The following NEBL variants were observed in gnomAD, a reference collection of about 807,000 sequenced individuals.
The protein encoded by NEBL is nebulette, also known as LIM and SH3 protein 2.
In NEBL, 122 loss-of-function variants were observed where a neutral mutation model predicts 140.2. The ratio of observed to expected loss-of-function variants is 0.87; its 90% CI spans 0.75 to 1.01. The LOEUF is 1.01. NEBL is among the 50% of genes least tolerant of loss of function. The probability of loss-of-function intolerance (pLI) is 0.00; values close to 1 mark genes in which losing one functional copy is unlikely to be tolerated. For synonymous variants in NEBL, 436 were observed against 398.9 expected, an observed-to-expected ratio of 1.09 and a Z score of -1.11; for missense variants, 1,365 against 1,231.3, an observed-to-expected ratio of 1.11 and a Z score of -1.62.
chr10:21,154,659 C>A (rs1840270478), intron 2 of NEBL, among the ~76,000 whole-genome samples: 1 of 152,284 alleles, frequency 6.6e-6, no homozygotes, highest in Admixed American at 6.5e-5. Flanking sequence ...GCTGGATGTG[C>A]ACTTTCCTCA....
intron 3 of NEBL, among the ~76,000 whole-genome samples, chr10:20,970,391 C>A (rs2131636332): frequency 6.6e-6 from 1 of 152,178 alleles, no homozygotes; most frequent in South Asian, 2.1e-4. Context: ...GTAATCCCAG[C>A]ACTTTGGGAG....
At chr10:21,263,468 G>C (rs61851514) in intron 1 of NEBL, among the ~76,000 whole-genome samples, 1 of 152,204 alleles carries the variant, frequency 6.6e-6, no homozygotes, top group South Asian at 2.1e-4. Context: ...GAGTCCAAGC[G>C]GGGGAGGTTG....
chr10:21,032,824 A>G (rs752477170), intron 2 of NEBL, among the ~76,000 whole-genome samples: 6 of 152,202 alleles, frequency 3.9e-5, no homozygotes, highest in Admixed American at 1.3e-4. Context: ...AGGGTCAAAC[A>G]GCTTGCCACC....
chr10:21,071,097 A>C (rs1835798764), intron 2 of NEBL, among the ~76,000 whole-genome samples: 1 of 151,862 alleles, frequency 6.6e-6, no homozygotes, highest in African/African-American at 2.4e-5. Flanking sequence ...ACTTGAGCCC[A>C]GGAGCTTGAG....
At chr10:20,976,764 T>G (rs79395726) in intron 3 of NEBL, among the ~76,000 whole-genome samples, 1 of 151,928 alleles carries the variant, frequency 6.6e-6, no homozygotes, top group Non-Finnish European at 1.5e-5. Context: ...CACTGGGGAC[T>G]TCAAAAGGGA....
intron 4 of NEBL, among the ~76,000 whole-genome samples, chr10:20,946,190 G>A (rs1835150250): frequency 6.6e-6 from 1 of 152,208 alleles, no homozygotes; most frequent in South Asian, 2.1e-4. Flanking sequence ...AGCCCTCATA[G>A]GCTGTATGAG....
At chr10:20,952,387 A>G (rs12359024) in intron 4 of NEBL, among the ~76,000 whole-genome samples, 61,618 of 149,982 alleles carry the variant, frequency 0.41, 14,379 homozygotes, top group Non-Finnish European at 0.52. Context: ...CCATGAGCCG[A>G]AATTGTACCA....
chr10:20,978,125 A>T (rs549052699), intron 3 of NEBL, among the ~76,000 whole-genome samples: 24 of 152,274 alleles, frequency 1.6e-4, no homozygotes, highest in Non-Finnish European at 2.9e-4. Flanking sequence ...TGAAAAATAG[A>T]TGTAGTCAGC....
At chr10:20,792,123 G>GAAAAAAAAAAAA (rs11286684) in intron 26 of NEBL, among the ~76,000 whole-genome samples, 1 of 106,762 alleles carries the variant, frequency 9.4e-6, no homozygotes. Context: ...ATTCCAAATA[G>GAAAAAAAAAAAA]AAAAAAAAAA....
chr10:20,785,696 G>C lies in NEBL; in HGVS notation c.*51C>G. On this transcript the variant is annotated 3_prime_UTR_variant, in exon 28 of 28. Transcript: ENST00000377122. The stretch of plus-strand genomic sequence containing the variant: ...AAAAGTATCTTCTATCTTTTAAAAA[G>C]ATTAGGTTTGGGATACATTAGAATA... The C allele has an allele frequency of 6.3e-7, 1 of 1,576,420 alleles. No individual in the cohort carries two copies. Among genetic ancestry groups the C allele is most frequent in the Non-Finnish European group, 8.7e-7 (1 of 1,154,028 alleles).
chr10:21,025,716 A>G (rs1295581117), intron 2 of NEBL, among the ~76,000 whole-genome samples: 1 of 152,140 alleles, frequency 6.6e-6, no homozygotes, highest in Non-Finnish European at 1.5e-5. Flanking sequence ...CTGGGTTTGT[A>G]CTTGGCTTGT....
At chr10:21,172,388 A>G (rs1225171138) in exon 2 of NEBL, 54 of 1,612,376 alleles carry the variant, frequency 3.3e-5, no homozygotes, top group Admixed American at 8.3e-5. Context: ...CTTACGCATT[A>G]CAATAGGGCT....
intron 2 of NEBL, among the ~76,000 whole-genome samples, chr10:21,032,964 C>T (rs376069735): frequency 2.0e-4 from 31 of 152,264 alleles, no homozygotes; most frequent in African/African-American, 6.3e-4. Flanking sequence ...GCTATTGAAA[C>T]ATGTCACCTA....
intron 3 of NEBL, among the ~76,000 whole-genome samples, chr10:21,215,287 T>A (rs1387533652): frequency 6.6e-6 from 1 of 152,142 alleles, no homozygotes; most frequent in Non-Finnish European, 1.5e-5. Flanking sequence ...TCAGCCTAGG[T>A]GACAGGGCAA....
chr10:21,047,851 G>A (rs1158330317), intron 2 of NEBL, among the ~76,000 whole-genome samples: 1 of 152,132 alleles, frequency 6.6e-6, no homozygotes, highest in Non-Finnish European at 1.5e-5. Flanking sequence ...TATTGTCAAA[G>A]GTGTTTGCTG....
intron 26 of NEBL, among the ~76,000 whole-genome samples, chr10:20,805,768 G>C (rs148868526): frequency 6.6e-6 from 1 of 151,878 alleles, no homozygotes; most frequent in African/African-American, 2.4e-5. Context: ...CAGGAGAACC[G>C]TTTGAACCTG....
In NEBL at chr10:20,784,325, A is replaced by G. The variant is rs1053625431; in HGVS notation, c.*1422T>C. ...TGGTGACCTGGACTGCAGACTCTGG[A>G]TGAAATTTCAAGACCCACCAGCAAG... On this transcript the variant is annotated 3_prime_UTR_variant, in exon 28 of 28. Transcript: ENST00000377122. The G allele has an allele frequency of 1.3e-5, 2 of 149,236 alleles. No individual in the cohort carries two copies. Among genetic ancestry groups the G allele is most frequent in the Non-Finnish European group, 3.0e-5 (2 of 67,724 alleles). The allele number at this position is 149,236 out of a possible 1,614,324, so 9.2% of individuals were successfully genotyped here.
At chr10:20,939,644 T>C (rs1799968871) in intron 4 of NEBL, among the ~76,000 whole-genome samples, 1 of 152,104 alleles carries the variant, frequency 6.6e-6, no homozygotes, top group South Asian at 2.1e-4. Context: ...ACTGGCAAAT[T>C]GGATAAAGAG....
At chr10:21,089,483 G>A (rs11012519) in intron 2 of NEBL, among the ~76,000 whole-genome samples, 15,761 of 152,126 alleles carry the variant, frequency 0.1, 870 homozygotes, top group South Asian at 0.16. Flanking sequence ...GCAAGAGCAC[G>A]TAGCCAAAGA....
Sources: allele counts gnomAD v4.1 joint callset (sites outside exome capture counted in the v4.1 genomes callset), GRCh38; gene constraint gnomAD v4.1.1; transcripts MANE v1.5; gene names NCBI Gene and HGNC (gene_info 2026-07-23, HGNC 2026-07-21).